The following SLC39A11 variants were observed in gnomAD, a reference collection of about 807,000 sequenced individuals.
SLC39A11 encodes solute carrier family 39 member 11.
Under a neutral mutation model 36.1 loss-of-function variants are expected in SLC39A11, and 33 were observed. The observed-to-expected ratio is 0.91, with a 90% CI of 0.69 to 1.22. The LOEUF is 1.22. SLC39A11 is among the 50% of genes most tolerant of loss of function. The pLI is 0.00. For synonymous variants in SLC39A11, 166 were observed against 170.3 expected, an observed-to-expected ratio of 0.97 and a Z score of 0.20; for missense variants, 432 against 430.3, an observed-to-expected ratio of 1.00 and a Z score of -0.03.
At chr17:73,053,304 G>C (rs2059568905) in intron 3 of SLC39A11, among the ~76,000 whole-genome samples, 1 of 151,476 alleles carries the variant, frequency 6.6e-6, no homozygotes, top group Admixed American at 6.6e-5. Flanking sequence ...TGAGAAGAAA[G>C]TTTATAGGAG....
chr17:72,954,099 T>A (rs1305422504), intron 4 of SLC39A11, among the ~76,000 whole-genome samples: 1 of 152,128 alleles, frequency 6.6e-6, no homozygotes, highest in East Asian at 1.9e-4. Context: ...CAGGCTGGAG[T>A]GCAGTGGTGT....
At chr17:72,662,054 C>T (rs2070446846) in intron 7 of SLC39A11, among the ~76,000 whole-genome samples, 1 of 152,186 alleles carries the variant, frequency 6.6e-6, no homozygotes, top group Non-Finnish European at 1.5e-5. Context: ...GAGGCTGCCT[C>T]ATACAATGTG....
intron 7 of SLC39A11, among the ~76,000 whole-genome samples, chr17:72,656,632 T>TC (rs1222733936): frequency 4.6e-5 from 7 of 151,894 alleles, no homozygotes; most frequent in Non-Finnish European, 7.4e-5. Context: ...CTGACAGGCC[T>TC]CTCCCGGGGA....
Position 72,918,611 on chromosome 17 carries a change from T to G in SLC39A11, c.430+29141A>C, listed in dbSNP as rs555335715. 1.7e-3 allele frequency among the ~76,000 whole-genome samples: 253 copies of G among 152,288 alleles called. 1 individual carries two copies. The highest frequency in any genetic ancestry group is 5.9e-3 in the African/African-American group (246 of 41,560). On this transcript the variant is annotated intron_variant, in intron 5 of 9. Coordinates refer to ENST00000255559, the MANE Select transcript of SLC39A11 (RefSeq NM_139177.4). ...AAGAAGGGTAAAAGGAAGGAAAGAA[T>G]GTCCCTCTCAACTGGCCCCAGCTTT...
intron 5 of SLC39A11, among the ~76,000 whole-genome samples, chr17:72,925,206 G>A (rs1474255728): frequency 6.6e-6 from 1 of 152,044 alleles, no homozygotes; most frequent in African/African-American, 2.4e-5. Flanking sequence ...CGGACATGTG[G>A]ACCAGGTCAC....
chr17:72,949,908 C>T (rs937465078), intron 4 of SLC39A11, among the ~76,000 whole-genome samples: 1 of 151,362 alleles, frequency 6.6e-6, no homozygotes, highest in African/African-American at 2.4e-5. Flanking sequence ...GGATAAGTTC[C>T]TTTCATGAAG....
At chr17:73,011,074 C>T (rs1452642811) in intron 4 of SLC39A11, among the ~76,000 whole-genome samples, 1 of 58,838 alleles carries the variant, frequency 1.7e-5, no homozygotes, top group Non-Finnish European at 5.0e-5. Flanking sequence ...TTCAGGCCCC[C>T]GGTACACAGG....
intron 5 of SLC39A11, among the ~76,000 whole-genome samples, chr17:72,874,609 A>C (rs2080801276): frequency 6.6e-6 from 1 of 152,220 alleles, no homozygotes; most frequent in African/African-American, 2.4e-5. Flanking sequence ...GTCCAGAAAG[A>C]AAATGCAGGT....
At chr17:72,761,001 G>C (rs1281364983) in intron 6 of SLC39A11, among the ~76,000 whole-genome samples, 1 of 152,172 alleles carries the variant, frequency 6.6e-6, no homozygotes, top group Non-Finnish European at 1.5e-5. Flanking sequence ...CTCATCACCT[G>C]TTCCCCAGGA....
At chr17:72,754,823 T>C (rs1048372414) in intron 6 of SLC39A11, among the ~76,000 whole-genome samples, 1 of 152,138 alleles carries the variant, frequency 6.6e-6, no homozygotes, top group Non-Finnish European at 1.5e-5. Context: ...AATGCAGTGA[T>C]GGTGTGAGCA....
chr17:73,044,225 C>G (rs2059197866), intron 3 of SLC39A11, among the ~76,000 whole-genome samples: 1 of 152,100 alleles, frequency 6.6e-6, no homozygotes, highest in Non-Finnish European at 1.5e-5. Flanking sequence ...AACATACGTC[C>G]ACACAAAGAC....
chr17:72,991,344 ATT>A (rs1451189716), intron 4 of SLC39A11, among the ~76,000 whole-genome samples: 2 of 151,706 alleles, frequency 1.3e-5, no homozygotes, highest in African/African-American at 4.8e-5. Context: ...AACTTTTGTT[ATT>A]TTTATTTATT....
intron 5 of SLC39A11, among the ~76,000 whole-genome samples, chr17:72,903,156 C>G (rs749045846): frequency 6.6e-6 from 1 of 150,766 alleles, no homozygotes; most frequent in Non-Finnish European, 1.5e-5. Context: ...ATCCCAGCTA[C>G]TTGAGGAACT....
intron 8 of SLC39A11, 57 bp from the exon 9 acceptor site, chr17:72,649,018 G>A (rs545841323): frequency 7.7e-5 from 122 of 1,577,808 alleles, no homozygotes; most frequent in African/African-American, 3.4e-4. Flanking sequence ...GACACTCCAC[G>A]TGCCCAGACT....
At chr17:72,877,807 A>T (rs1051649474) in intron 5 of SLC39A11, among the ~76,000 whole-genome samples, 2 of 151,114 alleles carry the variant, frequency 1.3e-5, no homozygotes, top group Admixed American at 6.6e-5. Context: ...TTATTTTTTT[A>T]TTTTTATTTA....
intron 6 of SLC39A11, among the ~76,000 whole-genome samples, chr17:72,783,106 A>AGAT (rs1555671312): frequency 6.7e-6 from 1 of 148,956 alleles, no homozygotes; most frequent in Non-Finnish European, 1.5e-5. Context: ...ACCAGAAAGC[A>AGAT]GATTCTCACC....
rs966164048 is a variant in SLC39A11, at chr17:72,694,202, G to A, written c.671+42448C>T. ...CCGAGCCCTCTCTCATGCTGGCTCT[G>A]CTGAGCATGGGGACTCCTGAGAAGG... On this transcript the variant is annotated intron_variant, in intron 7 of 9. Transcript: ENST00000255559. Among the ~76,000 whole-genome samples, 30 of 152,256 alleles carry A rather than the reference G, an allele frequency of 2.0e-4. 1 individual carries two copies. The highest frequency in any genetic ancestry group is 2.0e-3 in the Admixed American group (30 of 15,296).
intron 4 of SLC39A11, among the ~76,000 whole-genome samples, chr17:73,028,510 T>C (rs1396852593): frequency 6.6e-6 from 1 of 152,206 alleles, no homozygotes; most frequent in Non-Finnish European, 1.5e-5. Flanking sequence ...GTAGCAATCA[T>C]AAGTAATTCT....
intron 6 of SLC39A11, among the ~76,000 whole-genome samples, chr17:72,740,733 C>T (rs889610850): frequency 1.3e-5 from 2 of 152,154 alleles, no homozygotes; most frequent in African/African-American, 4.8e-5. Context: ...ATGAACTGCT[C>T]ATGAGGAGAT....
Sources: allele counts gnomAD v4.1 joint callset (sites outside exome capture counted in the v4.1 genomes callset), GRCh38; gene constraint gnomAD v4.1.1; transcripts MANE v1.5; gene names NCBI Gene and HGNC (gene_info 2026-07-23, HGNC 2026-07-21).